Variants in DTL observed in about 807,000 individuals in gnomAD.
The protein encoded by DTL is denticleless protein homolog.
In DTL, 46 loss-of-function variants were observed where a neutral mutation model predicts 87.0. The observed-to-expected ratio is 0.53, with a 90% CI of 0.42 to 0.68. DTL has a LOEUF of 0.68. DTL is among the 30% of genes least tolerant of loss of function. The pLI is 0.00. For synonymous variants in DTL, 308 were observed against 311.2 expected (o/e 0.99, Z 0.11); for missense variants, 737 against 869.4 (o/e 0.85, Z 1.91).
At chr1:212,094,026 G>C (rs1025443484) in intron 13 of DTL, among the ~76,000 whole-genome samples, 3 of 152,204 alleles carry the variant, frequency 2.0e-5, no homozygotes, top group African/African-American at 7.2e-5. Context: ...CATAGATTGT[G>C]AAGACTTTCT....
chr1:212,093,227 G>A (rs1655339102), intron 13 of DTL, among the ~76,000 whole-genome samples: 3 of 152,280 alleles, frequency 2.0e-5, no homozygotes, highest in Non-Finnish European at 4.4e-5. Flanking sequence ...AGATGGGCAG[G>A]CTGTAGGGCT....
chr1:212,069,962 T>C (rs1050538810), intron 10 of DTL, among the ~76,000 whole-genome samples: 51 of 152,322 alleles, frequency 3.3e-4, no homozygotes, highest in South Asian at 2.1e-4. Flanking sequence ...TACTTTGCAC[T>C]GGGTCTAGTT....
intron 2 of DTL, 82 bp downstream of exon 2, chr1:212,043,200 C>A: frequency 2.9e-6 from 4 of 1,364,230 alleles, no homozygotes; most frequent in South Asian, 1.7e-5. Context: ...AGAGTATTTC[C>A]CTTTCAAAGA....
chr1:212,038,657 G>A (rs923548617), intron 1 of DTL, among the ~76,000 whole-genome samples: 4 of 152,012 alleles, frequency 2.6e-5, no homozygotes, highest in African/African-American at 9.7e-5. Context: ...TTCTTGTCTG[G>A]ATTGTAAGAA....
chr1:212,042,628 T>C (rs575388779), intron 1 of DTL, among the ~76,000 whole-genome samples: 1 of 152,370 alleles, frequency 6.6e-6, no homozygotes, highest in African/African-American at 2.4e-5. Context: ...AAGAATTTAA[T>C]TGAAGGGGAT....
At chr1:212,063,043 G>C in intron 6 of DTL, 94 bp downstream of exon 6, 1 of 925,730 alleles carries the variant, frequency 1.1e-6, no homozygotes, top group Non-Finnish European at 1.7e-6. Flanking sequence ...ATTACCACCA[G>C]GGGGCATGTA....
chr1:212,046,852 T>C (rs898036822), intron 3 of DTL, among the ~76,000 whole-genome samples: 1 of 152,230 alleles, frequency 6.6e-6, no homozygotes, highest in Non-Finnish European at 1.5e-5. Flanking sequence ...TCTAGGTCTT[T>C]GAGGAAGCGC....
At chr1:212,085,780 C>T (rs982797938) in intron 13 of DTL, among the ~76,000 whole-genome samples, 6 of 152,074 alleles carry the variant, frequency 3.9e-5, no homozygotes, top group Non-Finnish European at 7.4e-5. Flanking sequence ...GCCTGTGATT[C>T]GTTTTGAGTT....
chr1:212,053,644 GT>G (rs2102538056), intron 5 of DTL, among the ~76,000 whole-genome samples: 1 of 152,226 alleles, frequency 6.6e-6, no homozygotes, highest in Non-Finnish European at 1.5e-5. Flanking sequence ...TTGGAGTGCA[GT>G]GGCGAAATCT....
At chr1:212,077,248 CTGAT>C (rs1323750484) in intron 11 of DTL, among the ~76,000 whole-genome samples, 1 of 152,132 alleles carries the variant, frequency 6.6e-6, no homozygotes, top group African/African-American at 2.4e-5. Flanking sequence ...CGTTATTGTG[CTGAT>C]TAATTCCCAT....
In DTL at chr1:212,104,582, A is replaced by T. The variant is rs535567767; in HGVS notation, c.*1642A>T. The T allele has an allele frequency of 6.6e-6, 1 of 151,878 alleles. No homozygotes were observed. 9.4% of individuals were successfully genotyped at this position (151,878 alleles called of 1,614,324 possible). A position where few individuals can be genotyped will look rare whatever the true frequency, so the allele number is the denominator to read the frequency against. On this transcript the variant is annotated 3_prime_UTR_variant, in exon 15 of 15. Coordinates refer to ENST00000366991, the MANE Select transcript of DTL (RefSeq NM_016448.4). The stretch of plus-strand genomic sequence containing the variant: ...CACTTGCTTTGAAAGCCAATGGGGG[A>T]AAAAAATCCATGAAAAAAAAAAGAT...
chr1:212,098,275 T>A (rs901609640), intron 13 of DTL, among the ~76,000 whole-genome samples: 6 of 152,312 alleles, frequency 3.9e-5, no homozygotes, highest in South Asian at 2.1e-4. Flanking sequence ...TTACAGGCAG[T>A]AGAATTAGCT....
intron 5 of DTL, among the ~76,000 whole-genome samples, chr1:212,057,744 G>A (rs1465650259): frequency 2.0e-5 from 3 of 152,082 alleles, no homozygotes; most frequent in East Asian, 3.8e-4. Flanking sequence ...TATCAATAAC[G>A]TTGAATGTAA....
At chr1:212,063,142 C>G (rs528390569) in intron 6 of DTL, among the ~76,000 whole-genome samples, 193 bp downstream of exon 6, 2 of 152,078 alleles carry the variant, frequency 1.3e-5, no homozygotes, top group African/African-American at 4.8e-5. Context: ...GTCACTGTTA[C>G]AAGTATTACA....
intron 13 of DTL, among the ~76,000 whole-genome samples, chr1:212,089,743 G>A (rs764950865): frequency 2.6e-5 from 4 of 152,130 alleles, no homozygotes; most frequent in Non-Finnish European, 4.4e-5. Flanking sequence ...GAAGGAAGAG[G>A]AAATGCCCCA....
At chr1:212,051,138 A>G (rs1484777356) in intron 5 of DTL, among the ~76,000 whole-genome samples, 1 of 151,866 alleles carries the variant, frequency 6.6e-6, no homozygotes, top group Non-Finnish European at 1.5e-5. Context: ...CATCTGTACC[A>G]GTTTTGTTTT....
At chr1:212,066,969 A>T in intron 8 of DTL, 84 bp downstream of exon 8, 1 of 1,159,284 alleles carries the variant, frequency 8.6e-7, no homozygotes, top group Non-Finnish European at 1.3e-6. Flanking sequence ...ATTATAATTG[A>T]ATGTGTGTGC....
chr1:212,044,509 C>G lies in DTL; in HGVS notation c.179-151C>G, dbSNP rs1667750610. ...ATCCCACCTACTTGGGATGCTGAGG[C>G]AGGAGAATCACTTGAACCCAGGAGG... On this transcript the variant is annotated intron_variant, in intron 2 of 14. Transcript: ENST00000366991. The G allele has an allele frequency of 5.8e-6, 3 of 521,102 alleles. 1 individual carries two copies. The South Asian group carries it at 8.6e-5, about 15-fold the overall frequency. The allele number at this position is 521,102 out of a possible 1,614,324, so 32.3% of individuals were successfully genotyped here. A position where few individuals can be genotyped will look rare whatever the true frequency, so the allele number is the denominator to read the frequency against.
chr1:212,073,304 T>C (rs558563200), intron 11 of DTL, among the ~76,000 whole-genome samples: 1 of 152,316 alleles, frequency 6.6e-6, no homozygotes, highest in East Asian at 1.9e-4. Flanking sequence ...TTAATTATCT[T>C]CTAGATTTCC....
Sources: gnomAD v4.1 joint callset for allele counts (sites outside exome capture counted in the v4.1 genomes callset) on GRCh38, gnomAD v4.1.1 for gene constraint, MANE v1.5 for transcripts, NCBI Gene and HGNC (gene_info 2026-07-23, HGNC 2026-07-21) for gene names.